The following SREK1IP1 variants were observed in gnomAD, a reference collection of about 807,000 sequenced individuals.
SREK1IP1 encodes the protein protein SREK1IP1.
A neutral mutation model predicts 22.8 loss-of-function variants in SREK1IP1; 12 were observed. The ratio of observed to expected loss-of-function variants is 0.53; its 90% confidence interval spans 0.34 to 0.85. The LOEUF (loss-of-function observed/expected upper bound fraction) is 0.85. Among genes scored for constraint, SREK1IP1 ranks in the 40% least tolerant of loss-of-function variants. The pLI is 0.02. For synonymous variants in SREK1IP1, 53 were observed against 52.7 expected (o/e 1.01, Z -0.02); for missense variants, 147 against 171.8 (o/e 0.86, Z 0.81).
At chr5:64,734,136 CTA>C (rs1252832641) in intron 3 of SREK1IP1, among the ~76,000 whole-genome samples, 6 of 152,042 alleles carry the variant, frequency 3.9e-5, no homozygotes, top group African/African-American at 7.2e-5. Flanking sequence ...AAAAGGGTCT[CTA>C]TGTGATTTCT....
At chr5:64,749,994 T>A (rs1742713142) in intron 2 of SREK1IP1, among the ~76,000 whole-genome samples, 1 of 152,270 alleles carries the variant, frequency 6.6e-6, no homozygotes, top group East Asian at 1.9e-4. Context: ...GTAGTAATCC[T>A]TAACTGTCCA....
chr5:64,730,203 C>T (rs1040883117), intron 3 of SREK1IP1, among the ~76,000 whole-genome samples: 6 of 152,078 alleles, frequency 3.9e-5, no homozygotes, highest in African/African-American at 1.4e-4. Flanking sequence ...GAGGGGCTAC[C>T]TATCAAATAG....
At chr5:64,743,692 A>T (rs980424910) in intron 2 of SREK1IP1, among the ~76,000 whole-genome samples, 18 of 152,206 alleles carry the variant, frequency 1.2e-4, no homozygotes, top group African/African-American at 4.1e-4. Context: ...TTCTCCTTGT[A>T]ACACAGATTT....
chr5:64,763,691 C>T (rs917133437), intron 1 of SREK1IP1, among the ~76,000 whole-genome samples: 3 of 152,204 alleles, frequency 2.0e-5, no homozygotes, highest in East Asian at 1.9e-4. Context: ...TAGTAATCAA[C>T]CCTCTAATTA....
chr5:64,725,964 C>G (rs1742258122), intron 4 of SREK1IP1, among the ~76,000 whole-genome samples: 1 of 149,280 alleles, frequency 6.7e-6, no homozygotes, highest in Non-Finnish European at 1.5e-5. Context: ...CCCCCGAGTT[C>G]AAGCAATTCT....
chr5:64,732,081 T>C (rs1420544556), intron 3 of SREK1IP1, among the ~76,000 whole-genome samples: 1 of 152,212 alleles, frequency 6.6e-6, no homozygotes, highest in Non-Finnish European at 1.5e-5. Flanking sequence ...TCTCTATTTC[T>C]AGTATCCACG....
intron 4 of SREK1IP1, chr5:64,727,540 TA>T (rs1561382936): frequency 4.0e-5 from 5 of 123,514 alleles, no homozygotes; most frequent in African/African-American, 2.3e-4. Context: ...CATATATATA[TA>T]TATATATATA....
chr5:64,735,742 T>C (rs1742451481), intron 3 of SREK1IP1, among the ~76,000 whole-genome samples: 2 of 152,130 alleles, frequency 1.3e-5, no homozygotes, highest in South Asian at 4.1e-4. Context: ...ATATATGCTT[T>C]TTCTCTCTCT....
At chr5:64,727,554 T>TATATA (rs1491553760) in intron 4 of SREK1IP1, 1 of 94,264 alleles carries the variant, frequency 1.1e-5, no homozygotes, top group Admixed American at 9.4e-5. Context: ...TATATATATA[T>TATATA]TTTTTTTTTT....
intron 2 of SREK1IP1, among the ~76,000 whole-genome samples, chr5:64,747,490 A>G (rs546491007): frequency 8.6e-5 from 13 of 150,670 alleles, no homozygotes; most frequent in Non-Finnish European, 1.6e-4. Context: ...ACCAGGGACA[A>G]TGACCAAATA....
At chr5:64,764,356 AAG>A (rs1258375333) in intron 1 of SREK1IP1, among the ~76,000 whole-genome samples, 1 of 152,162 alleles carries the variant, frequency 6.6e-6, no homozygotes, top group Non-Finnish European at 1.5e-5. Context: ...AGTGGCAGGG[AAG>A]AGTTTCAGCC....
intron 1 of SREK1IP1, among the ~76,000 whole-genome samples, chr5:64,757,366 A>T (rs1359464737): frequency 6.6e-6 from 1 of 152,262 alleles, no homozygotes; most frequent in Non-Finnish European, 1.5e-5. Flanking sequence ...ACTGCACTCC[A>T]GCCTAGGTGA....
rs540300263 is a variant in SREK1IP1 at position 64,742,131 on chromosome 5, G to C, written c.62-931C>G. Among the ~76,000 whole-genome samples, 9 of 151,882 alleles carry C rather than the reference G, an allele frequency of 5.9e-5. No individual in the cohort carries two copies. The East Asian group carries it at 1.4e-3, about 23-fold the overall frequency. On this transcript the variant is annotated intron_variant, in intron 2 of 4. Transcript: ENST00000513458. ...TTTTTCCTGCCACCCAATATTTTGT[G>C]ATTTATCTATGTTAACATAACAGGT...
chr5:64,764,610 A>G (rs1743006224), intron 1 of SREK1IP1, among the ~76,000 whole-genome samples: 1 of 152,136 alleles, frequency 6.6e-6, no homozygotes, highest in South Asian at 2.1e-4. Flanking sequence ...CATTTTTAAC[A>G]CTTTAGAAGC....
intron 2 of SREK1IP1, among the ~76,000 whole-genome samples, chr5:64,746,999 AC>A (rs767872681): frequency 6.6e-6 from 1 of 152,204 alleles, no homozygotes; most frequent in Non-Finnish European, 1.5e-5. Flanking sequence ...ATTATATAGC[AC>A]GGAACTCAGA....
chr5:64,726,575 CAAA>C (rs1267636357), intron 4 of SREK1IP1, among the ~76,000 whole-genome samples: 3 of 54,722 alleles, frequency 5.5e-5, no homozygotes. Context: ...GACTCTGTCT[CAAA>C]AAAAAAAAAA....
intron 1 of SREK1IP1, among the ~76,000 whole-genome samples, chr5:64,764,721 T>A (rs1025628835): frequency 2.6e-5 from 4 of 152,112 alleles, no homozygotes; most frequent in Non-Finnish European, 5.9e-5. Flanking sequence ...CAGATAGGGG[T>A]CAAGAACTAA....
intron 1 of SREK1IP1, among the ~76,000 whole-genome samples, chr5:64,756,695 C>T (rs922884078): frequency 1.3e-5 from 2 of 151,682 alleles, no homozygotes; most frequent in Non-Finnish European, 2.9e-5. Flanking sequence ...GTGCGTATCT[C>T]GGCTCACTGC....
At chr5:64,731,913 G>A (rs1404201380) in intron 3 of SREK1IP1, among the ~76,000 whole-genome samples, 1 of 152,034 alleles carries the variant, frequency 6.6e-6, no homozygotes, top group East Asian at 1.9e-4. Flanking sequence ...TATCAGCTAA[G>A]GTGTCAATGG....
Sources: allele counts gnomAD v4.1 joint callset (sites outside exome capture counted in the v4.1 genomes callset), GRCh38; gene constraint gnomAD v4.1.1; transcripts MANE v1.5; gene names NCBI Gene and HGNC (gene_info 2026-07-23, HGNC 2026-07-21).